The following CDK17 variants were observed in gnomAD, a reference collection of about 807,000 sequenced individuals.
The protein encoded by CDK17 is cyclin-dependent kinase 17.
CDK17 carries 24 observed loss-of-function variants against 77.6 expected under a neutral mutation model. The observed-to-expected ratio is 0.31, with a 90% CI of 0.22 to 0.44. The LOEUF (loss-of-function observed/expected upper bound fraction) is 0.44, where lower values mean the gene tolerates loss of function less well. Among genes scored for constraint, CDK17 ranks in the 20% least tolerant of loss-of-function variants. The pLI is 1.00. For missense variants in CDK17, 429 were observed against 622.5 expected (o/e 0.69, Z 3.31); for synonymous variants, 203 against 210.4 (o/e 0.96, Z 0.30).
At chr12:96,316,855 G>A (rs1434803632) in intron 3 of CDK17, among the ~76,000 whole-genome samples, 6 of 146,694 alleles carry the variant, frequency 4.1e-5, no homozygotes, top group Middle Eastern at 3.2e-3. Context: ...CAAAGATGGG[G>A]AAAAAACAGA....
intron 1 of CDK17, among the ~76,000 whole-genome samples, chr12:96,364,049 G>C (rs1319790647): frequency 6.6e-6 from 1 of 152,090 alleles, no homozygotes; most frequent in Non-Finnish European, 1.5e-5. Context: ...TTCTTTACTT[G>C]GCATAAGAAT....
intron 1 of CDK17, among the ~76,000 whole-genome samples, chr12:96,379,574 C>T (rs567745781): frequency 2.6e-5 from 4 of 152,042 alleles, no homozygotes; most frequent in Admixed American, 6.5e-5. Context: ...TGCAGGCACA[C>T]ATTACTATGC....
intron 1 of CDK17, among the ~76,000 whole-genome samples, chr12:96,368,806 CGGGGGGG>C (rs113976893): frequency 0.2 from 13,273 of 67,538 alleles, 3,635 homozygotes; most frequent in African/African-American, 0.42. Context: ...TACTCTAAGA[CGGGGGGG>C]GGGGGGGGGG....
At chr12:96,373,935 C>G (rs1458982866) in intron 1 of CDK17, among the ~76,000 whole-genome samples, 1 of 152,008 alleles carries the variant, frequency 6.6e-6, no homozygotes, top group Non-Finnish European at 1.5e-5. Context: ...GGCGACAGAG[C>G]AAGACTCCGT....
At chr12:96,398,285 G>C (rs981372662) in intron 1 of CDK17, among the ~76,000 whole-genome samples, 4 of 151,896 alleles carry the variant, frequency 2.6e-5, no homozygotes, top group African/African-American at 9.7e-5. Flanking sequence ...ATTTTCTTTT[G>C]TTCCAACCCA....
chr12:96,362,639 G>T (rs971615804), intron 1 of CDK17, among the ~76,000 whole-genome samples: 1 of 152,016 alleles, frequency 6.6e-6, no homozygotes, highest in Non-Finnish European at 1.5e-5. Flanking sequence ...AGGCTTTGTG[G>T]GCTATATACA....
At chr12:96,344,593 T>C (rs573284411) in intron 1 of CDK17, among the ~76,000 whole-genome samples, 2 of 152,268 alleles carry the variant, frequency 1.3e-5, no homozygotes, top group Admixed American at 1.3e-4. Flanking sequence ...GAATTTTATA[T>C]TCAGCAAAAC....
chr12:96,283,896 TA>T (rs899035567), intron 13 of CDK17, among the ~76,000 whole-genome samples: 1 of 152,222 alleles, frequency 6.6e-6, no homozygotes, highest in African/African-American at 2.4e-5. Context: ...TAAAGAATTT[TA>T]AAAATCACCA....
At chr12:96,294,921 AT>A in intron 10 of CDK17, 77 bp downstream of exon 10, 4 of 1,260,654 alleles carry the variant, frequency 3.2e-6, no homozygotes, top group Non-Finnish European at 4.4e-6. Flanking sequence ...GCAATGGCAC[AT>A]TATGACAGTG....
chr12:96,293,573 G>A (rs1241243903), intron 10 of CDK17, among the ~76,000 whole-genome samples: 1 of 152,180 alleles, frequency 6.6e-6, no homozygotes, highest in Non-Finnish European at 1.5e-5. Context: ...CACTACATCA[G>A]AACTAGAAAG....
At chr12:96,303,886 A>G (rs1235278942) in intron 5 of CDK17, among the ~76,000 whole-genome samples, 1 of 152,180 alleles carries the variant, frequency 6.6e-6, no homozygotes, top group Non-Finnish European at 1.5e-5. Context: ...GGATACTTCT[A>G]AGAACACCAG....
chr12:96,358,220 A>C (rs1160170301), intron 1 of CDK17, among the ~76,000 whole-genome samples: 8 of 152,036 alleles, frequency 5.3e-5, no homozygotes, highest in Admixed American at 5.2e-4. Flanking sequence ...GGAGAAAAGC[A>C]CATAAAAAGT....
At chr12:96,385,320 C>CA (rs1040758403) in intron 1 of CDK17, among the ~76,000 whole-genome samples, 26 of 151,522 alleles carry the variant, frequency 1.7e-4, no homozygotes, top group Non-Finnish European at 2.8e-4. Flanking sequence ...TCTCAAAAAA[C>CA]AAAAAAAGAT....
At chr12:96,345,666 T>C (rs1451078863) in intron 1 of CDK17, among the ~76,000 whole-genome samples, 1 of 152,140 alleles carries the variant, frequency 6.6e-6, no homozygotes, top group Non-Finnish European at 1.5e-5. Flanking sequence ...GACAGAGATA[T>C]ACAGGAGCAG....
intron 1 of CDK17, among the ~76,000 whole-genome samples, chr12:96,365,566 G>C (rs1953571563): frequency 6.6e-6 from 1 of 152,160 alleles, no homozygotes; most frequent in African/African-American, 2.4e-5. Flanking sequence ...CAATATTCTT[G>C]AATAGTCAGA....
intron 10 of CDK17, among the ~76,000 whole-genome samples, chr12:96,292,301 A>C (rs1285626961): frequency 6.6e-6 from 1 of 152,134 alleles, no homozygotes; most frequent in Non-Finnish European, 1.5e-5. Context: ...GAAATACTCC[A>C]AACATAAAAC....
In CDK17 at chr12:96,286,736, T is replaced by C. The variant is rs1952251497; in HGVS notation, c.1144A>G (p.Met382Val). 1 of 1,613,184 alleles carries C rather than the reference T, an allele frequency of 6.2e-7. No individual in the cohort carries two copies. The highest frequency in any genetic ancestry group is 8.5e-7 in the Non-Finnish European group (1 of 1,179,434). ...GGAAATAAAGGTCTTCCAGAAGCCATTTCAAAGAAAATGCAACCAACACCC... is the reference window on the plus strand; with the variant it reads ...GGAAATAAAGGTCTTCCAGAAGCCACTTCAAAGAAAATGCAACCAACACCC... ...MWGVGCIFFE[M>V]ASGRPLFPGS... The change falls in exon 12 of 17, where the codon ATG becomes GTG. Residue 382 changes from methionine (M) to valine (V), a missense_variant. Transcript: ENST00000261211.
intron 1 of CDK17, among the ~76,000 whole-genome samples, chr12:96,352,145 C>G (rs1208955525): frequency 6.6e-6 from 1 of 152,114 alleles, no homozygotes; most frequent in Non-Finnish European, 1.5e-5. Context: ...AGATTAAAAT[C>G]TCAGAAATCT....
chr12:96,392,409 T>C (rs1954083528), intron 1 of CDK17, among the ~76,000 whole-genome samples: 3 of 151,736 alleles, frequency 2.0e-5, no homozygotes, highest in Admixed American at 2.0e-4. Context: ...TATATAAACA[T>C]AAAGAAAGAA....
Sources: allele counts gnomAD v4.1 joint callset (sites outside exome capture counted in the v4.1 genomes callset), GRCh38; gene constraint gnomAD v4.1.1; transcripts MANE v1.5; gene names NCBI Gene and HGNC (gene_info 2026-07-23, HGNC 2026-07-21).